SEC11A: variants seen among roughly 807,000 people sequenced by gnomAD.
The protein encoded by SEC11A is signal peptidase complex catalytic subunit SEC11A.
SEC11A carries 14 observed loss-of-function variants against 25.6 expected under a neutral mutation model. The ratio of observed to expected loss-of-function variants is 0.55; its 90% CI spans 0.36 to 0.85. The LOEUF (loss-of-function observed/expected upper bound fraction) is 0.85. Among genes scored for constraint, SEC11A ranks in the 40% least tolerant of loss-of-function variants. SEC11A has a pLI of 0.01. For missense variants in SEC11A, 153 were observed against 222.9 expected (o/e 0.69, Z 2.00); for synonymous variants, 83 against 76.4 (o/e 1.09, Z -0.45).
chr15:84,683,434 C>T (rs1256605394), intron 3 of SEC11A, among the ~76,000 whole-genome samples: 2 of 152,024 alleles, frequency 1.3e-5, no homozygotes, highest in Non-Finnish European at 2.9e-5. Context: ...CTAACTAACA[C>T]ACCCAATTTC....
At chr15:84,691,718 T>A in intron 1 of SEC11A, 74 bp from the exon 2 acceptor site, 1 of 829,096 alleles carries the variant, frequency 1.2e-6, no homozygotes, top group Non-Finnish European at 2.0e-6. Flanking sequence ...GCAGTAACAA[T>A]TTGAAAGTTT....
intron 1 of SEC11A, among the ~76,000 whole-genome samples, chr15:84,705,465 G>GT (rs1230159068): frequency 2.6e-5 from 4 of 152,068 alleles, no homozygotes; most frequent in African/African-American, 9.7e-5. Context: ...ATTTGGTGCT[G>GT]TTTTTTCTAT....
intron 1 of SEC11A, among the ~76,000 whole-genome samples, chr15:84,702,430 C>T (rs969927906): frequency 2.0e-5 from 3 of 150,236 alleles, no homozygotes; most frequent in African/African-American, 7.4e-5. Flanking sequence ...TGCACCACTG[C>T]ACTCCAGCCT....
chr15:84,688,772 T>C (rs941949536), intron 2 of SEC11A, among the ~76,000 whole-genome samples: 1 of 152,206 alleles, frequency 6.6e-6, no homozygotes, highest in Non-Finnish European at 1.5e-5. Context: ...GGCTCACACC[T>C]GTAATTCCAG....
intron 3 of SEC11A, among the ~76,000 whole-genome samples, chr15:84,681,605 G>C (rs1897285143): frequency 6.6e-6 from 1 of 152,112 alleles, no homozygotes; most frequent in Non-Finnish European, 1.5e-5. Flanking sequence ...ACTCAAGCCT[G>C]GGCGACAGAG....
chr15:84,674,373 A>G (rs1897079827), intron 4 of SEC11A, among the ~76,000 whole-genome samples: 1 of 152,154 alleles, frequency 6.6e-6, no homozygotes, highest in South Asian at 2.1e-4. Flanking sequence ...ATTAAGAGCT[A>G]TAAAAGCATC....
chr15:84,685,661 C>CTGATATA (rs1272172398), intron 3 of SEC11A, among the ~76,000 whole-genome samples: 2 of 152,048 alleles, frequency 1.3e-5, no homozygotes, highest in Non-Finnish European at 1.5e-5. Context: ...TTGATTCTCT[C>CTGATATA]TGATATATTT....
At chr15:84,704,105 G>A (rs1253262301) in intron 1 of SEC11A, among the ~76,000 whole-genome samples, 1 of 152,122 alleles carries the variant, frequency 6.6e-6, no homozygotes, top group African/African-American at 2.4e-5. Flanking sequence ...CTGATGGCAC[G>A]CTGATCATAC....
chr15:84,673,969 G>C (rs1286202978), intron 4 of SEC11A: 1 of 151,886 alleles, frequency 6.6e-6, no homozygotes, highest in African/African-American at 2.4e-5. Flanking sequence ...ATCTTTCCCA[G>C]ACCAACTAAG....
At chr15:84,687,895 C>G in intron 2 of SEC11A, 121 bp from the exon 3 acceptor site, 1 of 776,004 alleles carries the variant, frequency 1.3e-6, no homozygotes, top group South Asian at 1.9e-5. Flanking sequence ...ACCCTAACAA[C>G]TATATCAACA....
intron 4 of SEC11A, chr15:84,672,085 C>CCAGA (rs1415836069): frequency 2.0e-5 from 3 of 152,574 alleles, no homozygotes; most frequent in African/African-American, 7.2e-5. Flanking sequence ...TTAAAACAGC[C>CCAGA]CAGACCATGC....
rs1897473848 is a variant in SEC11A, at chr15:84,687,794, A to G, written c.162-20T>C. On this transcript the variant is annotated intron_variant, in intron 2 of 5. Coordinates refer to ENST00000268220, the MANE Select transcript of SEC11A (RefSeq NM_014300.4). ...CTGCCACTGGAAGGGAAAGAAGAATATAACAGCAAAAAGAAAGTATGAGAT... is the reference window on the plus strand; with the variant it reads ...CTGCCACTGGAAGGGAAAGAAGAATGTAACAGCAAAAAGAAAGTATGAGAT... 4.4e-6 allele frequency: 7 copies of G among 1,573,832 alleles called. No individual in the cohort carries two copies. The highest frequency in any genetic ancestry group is 6.0e-6 in the Non-Finnish European group (7 of 1,167,908).
chr15:84,675,620 T>C (rs570327988), intron 4 of SEC11A, among the ~76,000 whole-genome samples: 1 of 152,306 alleles, frequency 6.6e-6, no homozygotes, highest in South Asian at 2.1e-4. Context: ...TCAATTACTC[T>C]ACTCCTTCCT....
At chr15:84,713,414 G>A (rs1033235433) in intron 1 of SEC11A, among the ~76,000 whole-genome samples, 2 of 151,982 alleles carry the variant, frequency 1.3e-5, no homozygotes, top group African/African-American at 2.4e-5. Context: ...TCCCTCTTTC[G>A]TCTGATTCTC....
At chr15:84,676,161 G>A (rs769448913) in intron 4 of SEC11A, among the ~76,000 whole-genome samples, 1 of 152,164 alleles carries the variant, frequency 6.6e-6, no homozygotes, top group African/African-American at 2.4e-5. Context: ...TCTAATATAT[G>A]TGAATTATAT....
rs773480581 is a variant in SEC11A, at chr15:84,691,559, T to C, written c.137A>G (p.Glu46Gly). Residue 46 changes from glutamate to glycine, a missense_variant, in exon 2 of 6, where the codon GAA becomes GGA. Transcript: ENST00000268220. ...CCTGAGCACCACTACAATCGGACTT[T>C]CACTTCCAGTTATTACCATTAACCC... ...WKGLMVITGS[E>G]SPIVVVLSGS... 2 of 1,610,424 alleles carry C rather than the reference T, an allele frequency of 1.2e-6. No individual in the cohort carries two copies.
At chr15:84,695,643 C>A (rs1897746009) in intron 1 of SEC11A, among the ~76,000 whole-genome samples, 1 of 151,718 alleles carries the variant, frequency 6.6e-6, no homozygotes, top group Non-Finnish European at 1.5e-5. Context: ...AAAATAAATA[C>A]AATTGTGATG....
intron 1 of SEC11A, among the ~76,000 whole-genome samples, chr15:84,697,876 T>G (rs1382821251): frequency 6.6e-6 from 1 of 152,240 alleles, no homozygotes; most frequent in African/African-American, 2.4e-5. Context: ...AATAGCCTTA[T>G]TATTTTTTCT....
intron 1 of SEC11A, among the ~76,000 whole-genome samples, chr15:84,696,538 T>G (rs1368186158): frequency 1.3e-5 from 2 of 152,188 alleles, no homozygotes; most frequent in Non-Finnish European, 2.9e-5. Context: ...GGTTGTAGGA[T>G]TCTACAATGT....
Sources: allele counts gnomAD v4.1 joint callset (sites outside exome capture counted in the v4.1 genomes callset), GRCh38; gene constraint gnomAD v4.1.1; transcripts MANE v1.5; gene names NCBI Gene and HGNC (gene_info 2026-07-23, HGNC 2026-07-21).